The following GNA14 variants were observed in gnomAD, a reference collection of about 807,000 sequenced individuals.
The protein encoded by GNA14 is guanine nucleotide-binding protein subunit alpha-14.
GNA14 carries 50 observed loss-of-function variants against 42.0 expected under a neutral mutation model. That is an observed-to-expected ratio of 1.19 (90% CI 0.95 to 1.51). The LOEUF is 1.51. GNA14 is among the 40% of genes most tolerant of loss of function. The pLI is 0.00. For missense variants in GNA14, 473 were observed against 446.2 expected, an observed-to-expected ratio of 1.06 and a Z score of -0.54; for synonymous variants, 173 against 163.1, an observed-to-expected ratio of 1.06 and a Z score of -0.46.
chr9:77,547,599 G>A (rs990937417), intron 1 of GNA14, among the ~76,000 whole-genome samples: 3 of 152,106 alleles, frequency 2.0e-5, no homozygotes, highest in African/African-American at 7.2e-5. Context: ...AAGGCAGGAT[G>A]GCACAATACT....
intron 1 of GNA14, among the ~76,000 whole-genome samples, chr9:77,617,112 C>T (rs1823835741): frequency 6.6e-6 from 1 of 152,090 alleles, no homozygotes; most frequent in South Asian, 2.1e-4. Context: ...TCTCACAATC[C>T]ACCCACCTTG....
intron 4 of GNA14, 98 bp downstream of exon 4, chr9:77,431,223 G>T: frequency 8.7e-7 from 1 of 1,149,318 alleles, no homozygotes; most frequent in East Asian, 2.4e-5. Context: ...TGTCCTAAGA[G>T]ATATAATCCC....
intron 1 of GNA14, among the ~76,000 whole-genome samples, chr9:77,604,976 G>T (rs1371037118): frequency 6.6e-6 from 1 of 152,162 alleles, no homozygotes; most frequent in Non-Finnish European, 1.5e-5. Context: ...AACATTTCAT[G>T]AGCAAATGCT....
chr9:77,435,112 A>G (rs1835623014), intron 2 of GNA14, among the ~76,000 whole-genome samples: 1 of 151,388 alleles, frequency 6.6e-6, no homozygotes, highest in Non-Finnish European at 1.5e-5. Flanking sequence ...TAATCCCAGC[A>G]CTTTGGGAGG....
intron 2 of GNA14, among the ~76,000 whole-genome samples, chr9:77,437,581 G>A (rs866373147): frequency 2.0e-5 from 3 of 149,958 alleles, no homozygotes; most frequent in Non-Finnish European, 4.4e-5. Flanking sequence ...AGAGAGAGAG[G>A]AAGGGAAGGG....
intron 2 of GNA14, among the ~76,000 whole-genome samples, chr9:77,526,076 A>ATT (rs34362442): frequency 0.019 from 2,341 of 125,098 alleles, 86 homozygotes; most frequent in African/African-American, 0.065. Context: ...TAATTTTTGT[A>ATT]TTTTTTTTTT....
rs112789430 is a variant in GNA14, at chr9:77,612,317, A to T, written c.124+35353T>A. On this transcript the variant is annotated intron_variant, in intron 1 of 6. Coordinates refer to ENST00000341700, the MANE Select transcript of GNA14 (RefSeq NM_004297.4). ...AGTCCTCACCAAACATTAAAGCTAC[A>T]AGGTAGCCAAGGTGCCACAGGCATG... Among the ~76,000 whole-genome samples, 642 of 152,228 alleles carry T rather than the reference A, an allele frequency of 4.2e-3. 2 individuals are homozygous for T. The highest frequency in any genetic ancestry group is 0.014 in the African/African-American group (585 of 41,544).
chr9:77,569,023 G>A (rs1406396843), intron 1 of GNA14, among the ~76,000 whole-genome samples: 1 of 152,168 alleles, frequency 6.6e-6, no homozygotes, highest in Non-Finnish European at 1.5e-5. Flanking sequence ...CAGGCAGAAA[G>A]AGCTTTCTAT....
intron 1 of GNA14, among the ~76,000 whole-genome samples, chr9:77,612,611 A>C (rs1823751639): frequency 6.6e-6 from 1 of 152,184 alleles, no homozygotes. Flanking sequence ...AAAAGAATGC[A>C]AATCAAACCA....
chr9:77,600,896 GCAA>G (rs1325561555), intron 1 of GNA14, among the ~76,000 whole-genome samples: 1 of 152,218 alleles, frequency 6.6e-6, no homozygotes, highest in Non-Finnish European at 1.5e-5. Context: ...TCCAGCCCAG[GCAA>G]CAACAGTGAA....
chr9:77,496,277 G>C (rs1312183360), intron 2 of GNA14, among the ~76,000 whole-genome samples: 1 of 152,148 alleles, frequency 6.6e-6, no homozygotes, highest in Non-Finnish European at 1.5e-5. Context: ...ACACTACCCA[G>C]GTTACTTCCA....
intron 1 of GNA14, among the ~76,000 whole-genome samples, chr9:77,557,353 C>T (rs186597964): frequency 1.6e-4 from 24 of 152,240 alleles, no homozygotes; most frequent in East Asian, 7.7e-4. Flanking sequence ...ATTATTCCTA[C>T]GAGCAATTAT....
intron 2 of GNA14, among the ~76,000 whole-genome samples, chr9:77,438,177 T>C (rs1316311712): frequency 5.3e-5 from 8 of 152,070 alleles, no homozygotes; most frequent in Non-Finnish European, 1.2e-4. Flanking sequence ...AACCCAACAG[T>C]AGAACTTGAA....
At chr9:77,582,210 G>A (rs1002684647) in intron 1 of GNA14, among the ~76,000 whole-genome samples, 2 of 152,090 alleles carry the variant, frequency 1.3e-5, no homozygotes, top group African/African-American at 4.8e-5. Flanking sequence ...GATCCCACTT[G>A]GCACAAGAAA....
chr9:77,480,918 G>A (rs574357322), intron 2 of GNA14, among the ~76,000 whole-genome samples: 39 of 152,034 alleles, frequency 2.6e-4, no homozygotes, highest in Middle Eastern at 3.4e-3. Context: ...TTTTTATTGC[G>A]TCTATTTGAT....
chr9:77,585,047 T>C (rs1823282128), intron 1 of GNA14, among the ~76,000 whole-genome samples: 1 of 152,190 alleles, frequency 6.6e-6, no homozygotes, highest in Admixed American at 6.5e-5. Flanking sequence ...TATCTCATTC[T>C]GTGACTTAGA....
At chr9:77,544,670 T>C (rs1344930411) in intron 1 of GNA14, among the ~76,000 whole-genome samples, 2 of 98,256 alleles carry the variant, frequency 2.0e-5, no homozygotes, top group Admixed American at 1.2e-4. Flanking sequence ...TCACTGCATC[T>C]CAAAAAAAAA....
At chr9:77,507,316 T>C (rs1009993475) in intron 2 of GNA14, among the ~76,000 whole-genome samples, 4 of 152,200 alleles carry the variant, frequency 2.6e-5, no homozygotes, top group African/African-American at 9.7e-5. Flanking sequence ...AAATGGCTCG[T>C]TGGGGTGAGG....
At chr9:77,462,914 A>G (rs1001554059) in intron 2 of GNA14, among the ~76,000 whole-genome samples, 6 of 152,078 alleles carry the variant, frequency 3.9e-5, no homozygotes, top group Admixed American at 2.6e-4. Flanking sequence ...GATCTGCTGC[A>G]CTTAGTCTTC....
Sources: gnomAD v4.1 joint callset for allele counts (sites outside exome capture counted in the v4.1 genomes callset) on GRCh38, gnomAD v4.1.1 for gene constraint, MANE v1.5 for transcripts, NCBI Gene and HGNC (gene_info 2026-07-23, HGNC 2026-07-21) for gene names.